FLVCR2: variants seen among roughly 807,000 people sequenced by gnomAD.
The protein encoded by FLVCR2 is FLVCR choline and putative heme transporter 2, also known as choline/ethanolamine transporter FLVCR2.
A neutral mutation model predicts 48.9 loss-of-function variants in FLVCR2; 38 were observed. The observed-to-expected ratio is 0.78, with a 90% confidence interval of 0.60 to 1.02. The LOEUF (loss-of-function observed/expected upper bound fraction) is 1.02. Ranked by LOEUF, FLVCR2 falls within the 50% of genes least tolerant of loss-of-function variation. The probability of loss-of-function intolerance (pLI) is 0.00; values close to 1 mark genes in which losing one functional copy is unlikely to be tolerated. For synonymous variants in FLVCR2, 255 were observed against 257.0 expected, an observed-to-expected ratio of 0.99 and a Z score of 0.07; for missense variants, 664 against 663.3, an observed-to-expected ratio of 1.00 and a Z score of -0.01.
At chr14:75,613,742 G>A (rs1344312908) in intron 1 of FLVCR2, among the ~76,000 whole-genome samples, 3 of 151,964 alleles carry the variant, frequency 2.0e-5, no homozygotes, top group Admixed American at 2.0e-4. Flanking sequence ...GTAGAGATAG[G>A]GTTTCACCAG....
rs138373260 is a variant in FLVCR2 at position 75,646,304 on chromosome 14, T to C, written c.1510-97T>C. ...GATGCTGAGTGGCCCCCGGCTCTTG[T>C]ATTCCCCACTGATTAGTCATGGCCA... is the stretch of plus-strand genomic sequence containing the variant. On this transcript the variant is annotated intron_variant, in intron 9 of 9. Transcript: ENST00000238667. 1.4e-3 allele frequency: 1,142 copies of C among 823,838 alleles called. 11 individuals are homozygous for C. In the African/African-American group the frequency reaches 0.018, roughly 13 times the overall value. The allele number at this position is 823,838 out of a possible 1,614,324, so 51.0% of individuals were successfully genotyped here. A position where few individuals can be genotyped will look rare whatever the true frequency, so the allele number is the denominator to read the frequency against.
intron 1 of FLVCR2, among the ~76,000 whole-genome samples, chr14:75,580,408 C>T (rs189819018): frequency 6.0e-4 from 91 of 152,358 alleles, no homozygotes; most frequent in African/African-American, 2.0e-3. Flanking sequence ...TTAAAGCAAA[C>T]GTCCTTTAGC....
Position 75,600,256 on chromosome 14 carries a change from G to A in FLVCR2, c.669+20615G>A, listed in dbSNP as rs1325891266. 2.6e-5 allele frequency among the ~76,000 whole-genome samples: 4 copies of A among 152,094 alleles called. 1 individual carries two copies. The highest frequency in any genetic ancestry group is 5.9e-5 in the Non-Finnish European group (4 of 68,020). On this transcript the variant is annotated intron_variant, in intron 1 of 9. Coordinates refer to ENST00000238667, the MANE Select transcript of FLVCR2 (RefSeq NM_017791.3). The stretch of plus-strand genomic sequence containing the variant: ...TACAAATGCCATAGCAAATCAGGAA[G>A]TTACCCTATGTGGCCTAAAAAGGAA...
chr14:75,603,187 C>T (rs1323730661), intron 1 of FLVCR2, among the ~76,000 whole-genome samples: 1 of 152,174 alleles, frequency 6.6e-6, no homozygotes, highest in East Asian at 1.9e-4. Context: ...GCGAGGGCCC[C>T]ACCCTCAAGC....
At chr14:75,640,392 A>G (rs1200580435) in intron 6 of FLVCR2, among the ~76,000 whole-genome samples, 2 of 144,312 alleles carry the variant, frequency 1.4e-5, no homozygotes, top group Admixed American at 1.4e-4. Context: ...TCCTATGGGC[A>G]GTATATGAGT....
chr14:75,624,211 A>C (rs949260760), intron 2 of FLVCR2, among the ~76,000 whole-genome samples: 10 of 151,954 alleles, frequency 6.6e-5, no homozygotes, highest in African/African-American at 7.2e-5. Flanking sequence ...AAAATACAAA[A>C]AATTAGCCAG....
chr14:75,587,129 A>T (rs2140005794), intron 1 of FLVCR2, among the ~76,000 whole-genome samples: 1 of 152,288 alleles, frequency 6.6e-6, no homozygotes, highest in Non-Finnish European at 1.5e-5. Flanking sequence ...ATTTAACTTA[A>T]TCCTTTCAAC....
chr14:75,580,121 C>T (rs1888558957), intron 1 of FLVCR2, among the ~76,000 whole-genome samples: 1 of 152,200 alleles, frequency 6.6e-6, no homozygotes, highest in South Asian at 2.1e-4. Flanking sequence ...CCTTGTTTTA[C>T]ACACAGCTGA....
chr14:75,636,318 C>T (rs145457012), intron 5 of FLVCR2, among the ~76,000 whole-genome samples: 7 of 152,296 alleles, frequency 4.6e-5, no homozygotes, highest in African/African-American at 7.2e-5. Flanking sequence ...AGGGAGGTGG[C>T]GACGAGGAGC....
chr14:75,584,449 C>T (rs958481867), intron 1 of FLVCR2, among the ~76,000 whole-genome samples: 5 of 152,248 alleles, frequency 3.3e-5, no homozygotes, highest in Admixed American at 1.3e-4. Context: ...GGGTCTAGGG[C>T]GGTAAAGCGT....
chr14:75,596,788 C>A (rs987147041), intron 1 of FLVCR2, among the ~76,000 whole-genome samples: 11 of 121,838 alleles, frequency 9.0e-5, no homozygotes, highest in East Asian at 3.1e-4. Flanking sequence ...TTGCCCCCCC[C>A]CCCCGCCCCC....
chr14:75,644,766 A>G (rs554997309), intron 9 of FLVCR2, among the ~76,000 whole-genome samples: 1 of 152,246 alleles, frequency 6.6e-6, no homozygotes, highest in Admixed American at 6.5e-5. Flanking sequence ...CCTGTGGACA[A>G]ATTCATTGTC....
chr14:75,595,930 T>A, intron 1 of FLVCR2: 1 of 1,351,570 alleles, frequency 7.4e-7, no homozygotes, highest in Non-Finnish European at 1.1e-6. Context: ...AGGCCATGTC[T>A]TGCAAGTCTA....
At position 75,641,205 on chromosome 14, in the gene FLVCR2, C is replaced by T; in HGVS notation, c.1365C>T (p.Ile455=). Residue 455 remains isoleucine (I), a synonymous_variant, in exon 8 of 10, where the codon ATC becomes ATT. Coordinates refer to ENST00000238667, the MANE Select transcript of FLVCR2 (RefSeq NM_017791.3). ...AGGTATTTGGGATCATCTTTACCATCTCCCAGGGCCAGATTATTGACAACT... is the reference window on the plus strand; with the variant it reads ...AGGTATTTGGGATCATCTTTACCATTTCCCAGGGCCAGATTATTGACAACT... ...SAQVFGIIFT[I]SQGQIIDNYG... is the part of the protein sequence containing the mutation. 5 of 1,613,562 alleles carry T rather than the reference C, an allele frequency of 3.1e-6. No individual in the cohort carries two copies. The South Asian group carries it at 5.5e-5, about 18-fold the overall frequency.
At chr14:75,595,772 A>C (rs999585875) in intron 1 of FLVCR2, 4 of 707,410 alleles carry the variant, frequency 5.7e-6, no homozygotes, top group Non-Finnish European at 1.0e-5. Flanking sequence ...TGAAAAATCC[A>C]CAATGGCCAC....
chr14:75,588,524 C>A (rs981897637), intron 1 of FLVCR2, among the ~76,000 whole-genome samples: 2 of 152,086 alleles, frequency 1.3e-5, no homozygotes, highest in South Asian at 2.1e-4. Context: ...TTCTAGCCAC[C>A]CAGGCTGGAG....
At chr14:75,632,780 A>G in intron 3 of FLVCR2, 1 of 702,210 alleles carries the variant, frequency 1.4e-6, no homozygotes, top group Non-Finnish European at 2.6e-6. Flanking sequence ...ATGGAGTGGC[A>G]GTACTTATTA....
chr14:75,627,304 C>T (rs868125883), intron 3 of FLVCR2, among the ~76,000 whole-genome samples: 29 of 149,772 alleles, frequency 1.9e-4, no homozygotes, highest in African/African-American at 7.4e-4. Context: ...AAATCCGCTC[C>T]TCTATAGAAA....
rs1247903270 is a variant in FLVCR2 at position 75,647,941 on chromosome 14, T to C, written c.*1469T>C. The stretch of plus-strand genomic sequence containing the variant: ...CAATGGATGCAAGGAACATGCTGTA[T>C]GTAATAGAAGAAAGAAGTCCACGTT... On this transcript the variant is annotated 3_prime_UTR_variant, in exon 10 of 10. Coordinates refer to ENST00000238667, the MANE Select transcript of FLVCR2 (RefSeq NM_017791.3). 2 of 152,848 alleles carry C rather than the reference T, an allele frequency of 1.3e-5. No homozygotes were observed. Among genetic ancestry groups the C allele is most frequent in the African/African-American group, 2.4e-5 (1 of 41,438 alleles). The allele number at this position is 152,848 out of a possible 1,614,324, so 9.5% of individuals were successfully genotyped here.
Sources: gnomAD v4.1 joint callset for allele counts (sites outside exome capture counted in the v4.1 genomes callset) on GRCh38, gnomAD v4.1.1 for gene constraint, MANE v1.5 for transcripts, NCBI Gene and HGNC (gene_info 2026-07-23, HGNC 2026-07-21) for gene names.